MAN2A1: variants seen among roughly 807,000 people sequenced by gnomAD.
MAN2A1 encodes the protein mannosidase alpha class 2A member 1.
MAN2A1 carries 76 observed loss-of-function variants against 142.6 expected under a neutral mutation model. The observed-to-expected ratio is 0.53, with a 90% CI of 0.44 to 0.65. The LOEUF (loss-of-function observed/expected upper bound fraction) is 0.65. Among genes scored for constraint, MAN2A1 ranks in the 30% least tolerant of loss-of-function variants. The probability of loss-of-function intolerance (pLI) is 0.00; values close to 1 mark genes in which losing one functional copy is unlikely to be tolerated. For missense variants in MAN2A1, 1,311 were observed against 1,365.1 expected, an observed-to-expected ratio of 0.96 and a Z score of 0.62; for synonymous variants, 559 against 473.2, an observed-to-expected ratio of 1.18 and a Z score of -2.35.
chr5:109,741,040 G>A (rs954864798), intron 4 of MAN2A1, among the ~76,000 whole-genome samples: 5 of 152,072 alleles, frequency 3.3e-5, no homozygotes, highest in African/African-American at 9.7e-5. Context: ...GTAAGATATT[G>A]GAGGGGACTG....
intron 17 of MAN2A1, 73 bp from the exon 18 acceptor site, chr5:109,845,792 C>A: frequency 8.4e-7 from 1 of 1,183,492 alleles, no homozygotes; most frequent in South Asian, 1.8e-5. Flanking sequence ...GAAGAAAAAT[C>A]ACCTGTCCTC....
At chr5:109,697,322 G>A (rs1750843146) in intron 1 of MAN2A1, among the ~76,000 whole-genome samples, 1 of 152,150 alleles carries the variant, frequency 6.6e-6, no homozygotes, top group South Asian at 2.1e-4. Context: ...GAAAGAAACT[G>A]GAAAATAAGG....
chr5:109,749,288 C>G (rs1022374413), intron 4 of MAN2A1, among the ~76,000 whole-genome samples: 1 of 152,146 alleles, frequency 6.6e-6, no homozygotes, highest in Non-Finnish European at 1.5e-5. Context: ...GAAAAAGTGA[C>G]ACTCAGAGAA....
intron 12 of MAN2A1, among the ~76,000 whole-genome samples, chr5:109,793,401 T>C (rs562682946): frequency 6.6e-6 from 1 of 152,166 alleles, no homozygotes; most frequent in South Asian, 2.1e-4. Context: ...ATATGCAACA[T>C]AGCAAGAGTA....
At chr5:109,790,518 AG>A (rs1429983465) in intron 12 of MAN2A1, among the ~76,000 whole-genome samples, 1 of 151,984 alleles carries the variant, frequency 6.6e-6, no homozygotes, top group Non-Finnish European at 1.5e-5. Flanking sequence ...ACACGGCAGA[AG>A]CCTTAGGAGC....
At chr5:109,843,704 TGTA>T (rs759468133) in intron 17 of MAN2A1, among the ~76,000 whole-genome samples, 83 of 152,256 alleles carry the variant, frequency 5.5e-4, no homozygotes, top group Non-Finnish European at 1.0e-3. Context: ...TGTTTCAAAT[TGTA>T]GTAAGGAAAT....
At chr5:109,696,327 CT>C (rs1750811253) in intron 1 of MAN2A1, among the ~76,000 whole-genome samples, 1 of 152,194 alleles carries the variant, frequency 6.6e-6, no homozygotes, top group Non-Finnish European at 1.5e-5. Flanking sequence ...TCTCGATCTC[CT>C]GATCTCGTGA....
intron 16 of MAN2A1, among the ~76,000 whole-genome samples, chr5:109,827,350 C>G (rs146798866): frequency 3.5e-3 from 530 of 152,290 alleles, no homozygotes; most frequent in Non-Finnish European, 5.5e-3. Flanking sequence ...AAAAACTAAA[C>G]TAACGCATAC....
In MAN2A1 at chr5:109,820,258, A is replaced by T. The variant is rs768997917; in HGVS notation, c.2367A>T (p.Val789=). 8 of 1,609,924 alleles carry T rather than the reference A, an allele frequency of 5.0e-6. No individual in the cohort carries two copies. Among genetic ancestry groups the T allele is most frequent in the Non-Finnish European group, 6.8e-6 (8 of 1,176,684 alleles). Residue 789 remains valine, a synonymous_variant, in exon 15 of 22, where the codon GTA becomes GTT. Coordinates refer to ENST00000261483, the MANE Select transcript of MAN2A1 (RefSeq NM_002372.4). ...MTKEDGKHHE[V]NVQFSWYGTT... is the part of the protein sequence containing the mutation. ...AAGAAGATGGTAAACACCATGAAGT[A>T]AATGTGCAATTTTCATGGTATGGAA...
At chr5:109,701,317 A>G (rs1366566591) in intron 1 of MAN2A1, among the ~76,000 whole-genome samples, 1 of 152,194 alleles carries the variant, frequency 6.6e-6, no homozygotes, top group Non-Finnish European at 1.5e-5. Context: ...TGCTAGTGTA[A>G]AGTACGGTGC....
At chr5:109,832,879 C>T (rs565418355) in intron 16 of MAN2A1, among the ~76,000 whole-genome samples, 24 of 150,834 alleles carry the variant, frequency 1.6e-4, no homozygotes, top group African/African-American at 4.2e-4. Context: ...CCAGACGGGG[C>T]GGCTGCCGGG....
At chr5:109,832,161 CTTTTT>C (rs70999945) in intron 16 of MAN2A1, among the ~76,000 whole-genome samples, 1 of 51,230 alleles carries the variant, frequency 2.0e-5, no homozygotes, top group Non-Finnish European at 3.7e-5. Flanking sequence ...AAGGAGTTTT[CTTTTT>C]TTTTTTTTTT....
chr5:109,822,709 G>T (rs1415340818), intron 15 of MAN2A1, among the ~76,000 whole-genome samples: 1 of 151,274 alleles, frequency 6.6e-6, no homozygotes, highest in Non-Finnish European at 1.5e-5. Context: ...ACGGAGTCTT[G>T]CACTTTCACC....
chr5:109,730,081 A>G (rs67906234), intron 4 of MAN2A1, among the ~76,000 whole-genome samples: 26,352 of 152,144 alleles, frequency 0.17, 3,280 homozygotes, highest in East Asian at 0.64. Flanking sequence ...TTTTTTAAGT[A>G]TATAATTAAA....
At position 109,816,928 on chromosome 5, in the gene MAN2A1, C is replaced by T. The variant is rs924828278; in HGVS notation, c.1944-345C>T. ...ATTGCCTGTTCTCTGAAAGTTCTCA[C>T]AGAATATTCCTGTTAATTCTTCTCC... is the stretch of plus-strand genomic sequence containing the variant. On this transcript the variant is annotated intron_variant, in intron 12 of 21. Transcript: ENST00000261483. Among the ~76,000 whole-genome samples, 6 of 152,254 alleles carry T rather than the reference C, an allele frequency of 3.9e-5. No individual in the cohort carries two copies. The East Asian group carries it at 1.2e-3, about 29-fold the overall frequency.
Position 109,867,158 on chromosome 5 carries a change from A to C in MAN2A1, c.*160A>C. ...TTTTTTCTTTTACCAGTACAGTAAG[A>C]AAAAAAAAAAAAAAAAAAAAGCCAT... On this transcript the variant is annotated 3_prime_UTR_variant, in exon 22 of 22. Coordinates refer to ENST00000261483, the MANE Select transcript of MAN2A1 (RefSeq NM_002372.4). 26 of 63,022 alleles carry C rather than the reference A, an allele frequency of 4.1e-4. No individual in the cohort carries two copies. Among genetic ancestry groups the C allele is most frequent in the East Asian group, 9.4e-4 (4 of 4,266 alleles). 3.9% of individuals were successfully genotyped at this position (63,022 alleles called of 1,614,324 possible). A position where few individuals can be genotyped will look rare whatever the true frequency, so the allele number is the denominator to read the frequency against.
intron 17 of MAN2A1, among the ~76,000 whole-genome samples, chr5:109,843,083 G>A (rs115306235): frequency 0.03 from 4,639 of 152,106 alleles, 214 homozygotes; most frequent in African/African-American, 0.11. Flanking sequence ...TGGGATTGTG[G>A]GCATGAGCCA....
intron 19 of MAN2A1, among the ~76,000 whole-genome samples, chr5:109,850,168 T>G (rs1183257932): frequency 6.6e-6 from 1 of 152,224 alleles, no homozygotes; most frequent in Non-Finnish European, 1.5e-5. Context: ...TGTGCCTTTC[T>G]TTGCTTCTAG....
At chr5:109,843,058 G>A (rs11241040) in intron 17 of MAN2A1, among the ~76,000 whole-genome samples, 56,217 of 151,818 alleles carry the variant, frequency 0.37, 11,152 homozygotes, top group African/African-American at 0.52. Context: ...TGCCCACCTC[G>A]CCCTTTCAAA....
Sources: gnomAD v4.1 joint callset for allele counts (sites outside exome capture counted in the v4.1 genomes callset) on GRCh38, gnomAD v4.1.1 for gene constraint, MANE v1.5 for transcripts, NCBI Gene and HGNC (gene_info 2026-07-23, HGNC 2026-07-21) for gene names.